The following PLCB4 variants were observed in gnomAD, a reference collection of about 807,000 sequenced individuals.
PLCB4 encodes the protein 1-phosphatidylinositol 4,5-bisphosphate phosphodiesterase beta-4.
In PLCB4, 77 loss-of-function variants were observed where a neutral mutation model predicts 178.8. The observed-to-expected ratio is 0.43, with a 90% CI of 0.36 to 0.52. PLCB4 has a LOEUF of 0.52. PLCB4 is among the 20% of genes least tolerant of loss of function. PLCB4 has a pLI of 0.00. For missense variants in PLCB4, 1,024 were observed against 1,453.4 expected (o/e 0.70, Z 4.80); for synonymous variants, 496 against 490.8 (o/e 1.01, Z -0.14).
chr20:9,129,991 G>A (rs144042136), intron 2 of PLCB4, among the ~76,000 whole-genome samples: 6 of 152,024 alleles, frequency 3.9e-5, no homozygotes, highest in Admixed American at 2.6e-4. Flanking sequence ...CTAGTTTGTT[G>A]TTCTTGGCTC....
Position 9,156,407 on chromosome 20 carries a change from T to A in PLCB4, c.-79+60065T>A, listed in dbSNP as rs563282132. The stretch of plus-strand genomic sequence containing the variant: ...ACAGTCCCATTCTGAGATGATGGAA[T>A]TGAGGCACAGAAAGGTTAAGTAACA... On this transcript the variant is annotated intron_variant, in intron 2 of 39. Coordinates refer to ENST00000378473, the MANE Select transcript of PLCB4 (RefSeq NM_001377142.1). Among the ~76,000 whole-genome samples the A allele has an allele frequency of 3.3e-5, 5 of 152,286 alleles. No homozygotes were observed. In the East Asian group the frequency reaches 9.7e-4, roughly 29 times the overall value.
chr20:9,227,543 A>G (rs1037980552), intron 3 of PLCB4, among the ~76,000 whole-genome samples: 7 of 152,148 alleles, frequency 4.6e-5, no homozygotes, highest in South Asian at 2.1e-4. Flanking sequence ...GCATGTAGAT[A>G]TCCAGTTGCC....
At chr20:9,338,152 T>C (rs928654821) in intron 6 of PLCB4, 85 bp downstream of exon 6, 1 of 868,718 alleles carries the variant, frequency 1.2e-6, no homozygotes, top group Non-Finnish European at 1.9e-6. Flanking sequence ...AAAAACTCAC[T>C]CTTTGTATCC....
intron 3 of PLCB4, among the ~76,000 whole-genome samples, chr20:9,299,671 G>A (rs2094681988): frequency 6.6e-6 from 1 of 151,996 alleles, no homozygotes; most frequent in Non-Finnish European, 1.5e-5. Context: ...AATGGGTACA[G>A]TATTTAAGTA....
At chr20:9,127,683 TATCC>T (rs1202312610) in intron 2 of PLCB4, among the ~76,000 whole-genome samples, 4 of 65,772 alleles carry the variant, frequency 6.1e-5, no homozygotes, top group African/African-American at 1.4e-4. Flanking sequence ...TCTATCTATC[TATCC>T]ATCCATCCAT....
chr20:9,421,470 T>C lies in PLCB4; in HGVS notation c.2319+9T>C, dbSNP rs770550205. Reference sequence around the variant, plus strand: ...CATTTGTATTTCGGAAGGTAGGACATTTTCAGCACGTCAAACTTACTCTAA... The same window carrying C: ...CATTTGTATTTCGGAAGGTAGGACACTTTCAGCACGTCAAACTTACTCTAA... On this transcript the variant is annotated intron_variant, in intron 27 of 39. Coordinates refer to ENST00000378473, the MANE Select transcript of PLCB4 (RefSeq NM_001377142.1). The C allele has an allele frequency of 2.5e-6, 4 of 1,609,116 alleles. No individual in the cohort carries two copies. The highest frequency in any genetic ancestry group is 4.5e-5 in the East Asian group (2 of 44,806).
In PLCB4 at chr20:9,472,529, T is replaced by C. The variant is rs972501516; in HGVS notation, c.3351-261T>C. On this transcript the variant is annotated intron_variant, in intron 36 of 39. Transcript: ENST00000378473. ...ATACACATGGGGCTTTAATTACATCTGGAACTGTTTATTGCCTTTAAAAAT... is the reference window on the plus strand; with the variant it reads ...ATACACATGGGGCTTTAATTACATCCGGAACTGTTTATTGCCTTTAAAAAT... Among the ~76,000 whole-genome samples, 8 of 152,218 alleles carry C rather than the reference T, an allele frequency of 5.3e-5. No homozygotes were observed. The East Asian group carries it at 1.5e-3, about 29-fold the overall frequency.
chr20:9,134,527 C>T (rs1222045851), intron 2 of PLCB4, among the ~76,000 whole-genome samples: 1 of 151,998 alleles, frequency 6.6e-6, no homozygotes, highest in Non-Finnish European at 1.5e-5. Flanking sequence ...GACCCGTCTT[C>T]ATGTTGGTGG....
intron 2 of PLCB4, among the ~76,000 whole-genome samples, chr20:9,133,178 T>C (rs2092311057): frequency 6.6e-6 from 1 of 152,148 alleles, no homozygotes; most frequent in Non-Finnish European, 1.5e-5. Context: ...TACCTTTAGG[T>C]CTTTGCTTAT....
intron 15 of PLCB4, among the ~76,000 whole-genome samples, chr20:9,388,390 A>C (rs1271760669): frequency 6.6e-6 from 1 of 152,044 alleles, no homozygotes; most frequent in Non-Finnish European, 1.5e-5. Flanking sequence ...TCTCAACTCC[A>C]CCTACATGTG....
intron 2 of PLCB4, among the ~76,000 whole-genome samples, chr20:9,132,712 A>G (rs1443480574): frequency 1.3e-5 from 2 of 152,088 alleles, no homozygotes; most frequent in Admixed American, 6.6e-5. Context: ...ACTGCATTTC[A>G]TTCTCTACAT....
intron 3 of PLCB4, among the ~76,000 whole-genome samples, chr20:9,291,499 G>T (rs1458091044): frequency 6.6e-6 from 1 of 152,124 alleles, no homozygotes; most frequent in Non-Finnish European, 1.5e-5. Context: ...CTTTCAGACT[G>T]GATGTATTTT....
At position 9,218,859 on chromosome 20, in the gene PLCB4, G is replaced by T. The variant is rs537998596; in HGVS notation, c.-16+1407G>T. On this transcript the variant is annotated intron_variant, in intron 3 of 39. Transcript: ENST00000378473. ...TCTTAGTAGGCAAAGAGGAGTTGGGGAGTAGGAGGGACTGAATAATTCTCT... is the reference window on the plus strand; with the variant it reads ...TCTTAGTAGGCAAAGAGGAGTTGGGTAGTAGGAGGGACTGAATAATTCTCT... Among the ~76,000 whole-genome samples the T allele has an allele frequency of 6.6e-5, 10 of 152,310 alleles. No individual in the cohort carries two copies. In the East Asian group the frequency reaches 1.5e-3, roughly 23 times the overall value.
intron 1 of PLCB4, among the ~76,000 whole-genome samples, chr20:9,084,588 T>C (rs1404097908): frequency 6.6e-6 from 1 of 152,076 alleles, no homozygotes; most frequent in Non-Finnish European, 1.5e-5. Flanking sequence ...TTGGTGCCTG[T>C]CAGGAAAAAA....
At chr20:9,280,487 C>G (rs1213592529) in intron 3 of PLCB4, 2 of 981,384 alleles carry the variant, frequency 2.0e-6, no homozygotes, top group Non-Finnish European at 2.4e-6. Context: ...GTGGGTGTCT[C>G]TGTCCTAATT....
At chr20:9,305,294 T>C (rs1329038910) in intron 3 of PLCB4, among the ~76,000 whole-genome samples, 1 of 152,098 alleles carries the variant, frequency 6.6e-6, no homozygotes, top group Non-Finnish European at 1.5e-5. Context: ...TGCTAATCAT[T>C]TGGGAGTTAT....
chr20:9,149,803 G>A (rs976910451), intron 2 of PLCB4, among the ~76,000 whole-genome samples: 3 of 152,154 alleles, frequency 2.0e-5, no homozygotes, highest in African/African-American at 7.2e-5. Flanking sequence ...CCCAACTGGA[G>A]GTTGGTGTGC....
intron 2 of PLCB4, among the ~76,000 whole-genome samples, chr20:9,156,588 G>T (rs1490629341): frequency 2.6e-5 from 4 of 152,108 alleles, no homozygotes; most frequent in Non-Finnish European, 4.4e-5. Flanking sequence ...AGAATTGAGA[G>T]GGGAGGGGGC....
chr20:9,395,470 T>C, intron 18 of PLCB4, 53 bp from the exon 19 acceptor site: 2 of 1,230,606 alleles, frequency 1.6e-6, no homozygotes, highest in South Asian at 2.4e-5. Flanking sequence ...AGGCCTAGGG[T>C]TTGTATGTTA....
Sources: allele counts gnomAD v4.1 joint callset (sites outside exome capture counted in the v4.1 genomes callset), GRCh38; gene constraint gnomAD v4.1.1; transcripts MANE v1.5; gene names NCBI Gene and HGNC (gene_info 2026-07-23, HGNC 2026-07-21).